OSBPL3: variants seen among roughly 807,000 people sequenced by gnomAD.
OSBPL3 encodes the protein oxysterol-binding protein-related protein 3.
Under a neutral mutation model 120.1 loss-of-function variants are expected in OSBPL3, and 65 were observed. The observed-to-expected ratio is 0.54, with a 90% CI of 0.44 to 0.67. The LOEUF is 0.67. Ranked by LOEUF, OSBPL3 falls within the 30% of genes least tolerant of loss-of-function variation. OSBPL3 has a pLI of 0.00. For missense variants in OSBPL3, 1,004 were observed against 1,082.1 expected (o/e 0.93, Z 1.01); for synonymous variants, 416 against 402.6 (o/e 1.03, Z -0.40).
At chr7:24,925,119 C>A (rs1584638113) in intron 1 of OSBPL3, among the ~76,000 whole-genome samples, 1 of 152,296 alleles carries the variant, frequency 6.6e-6, no homozygotes, top group African/African-American at 2.4e-5. Flanking sequence ...GTGTTTTAAA[C>A]ACCATGTATG....
At chr7:24,859,738 C>T (rs1348631547) in intron 10 of OSBPL3, among the ~76,000 whole-genome samples, 1 of 152,090 alleles carries the variant, frequency 6.6e-6, no homozygotes, top group Non-Finnish European at 1.5e-5. Flanking sequence ...ATACCTACTT[C>T]GCAGGCTGCA....
At chr7:24,832,296 G>A (rs1305732719) in intron 15 of OSBPL3, among the ~76,000 whole-genome samples, 1 of 150,894 alleles carries the variant, frequency 6.6e-6, no homozygotes, top group Non-Finnish European at 1.5e-5. Flanking sequence ...CAGATCACGA[G>A]GTCAGGAGTT....
At position 24,842,368 on chromosome 7, in the gene OSBPL3, T is replaced by C. The variant is rs1307457079; in HGVS notation, c.1312A>G (p.Asn438Asp). The C allele has an allele frequency of 1.9e-6, 3 of 1,612,276 alleles. No individual in the cohort carries two copies. Among genetic ancestry groups the C allele is most frequent in the East Asian group, 2.2e-5 (1 of 44,846 alleles). Residue 438 changes from asparagine (N) to aspartate (D), a missense_variant, in exon 13 of 23, where the codon AAT (asparagine) becomes GAT (aspartate). By Grantham distance (23) the Asn-to-Asp change is conservative. Coordinates refer to ENST00000313367, the MANE Select transcript of OSBPL3 (RefSeq NM_015550.4). ...TCAGTGATGGAGAGTCTACTTTCAT[T>C]AGAAAGCTGATGAACTAGAGCTCGG... ...ENRALVHQLS[N>D]ESRLSITDSL...
rs541717320 is a variant in OSBPL3 at position 24,816,998 on chromosome 7, A to G, written c.1949-310T>C. Among the ~76,000 whole-genome samples the G allele has an allele frequency of 7.2e-5, 11 of 152,310 alleles. No homozygotes were observed. In the East Asian group the frequency reaches 1.9e-3, roughly 27 times the overall value. On this transcript the variant is annotated intron_variant, in intron 17 of 22. Transcript: ENST00000313367. Reference sequence around the variant, plus strand: ...ATAAGGTAAAATGAAACCTGAGAAGAAGGAGTGACGAATATGCTTGGAGAA... The same window carrying G: ...ATAAGGTAAAATGAAACCTGAGAAGGAGGAGTGACGAATATGCTTGGAGAA...
chr7:24,834,784 T>C lies in OSBPL3; in HGVS notation c.1496-48A>G, dbSNP rs1796805352. On this transcript the variant is annotated intron_variant, in intron 14 of 22. Coordinates refer to ENST00000313367, the MANE Select transcript of OSBPL3 (RefSeq NM_015550.4). This position sits in a 1 kb window ranked among gnomAD's most constrained non-coding sequence, Gnocchi z 5.2. Reference sequence around the variant, plus strand: ...TGTCTCTATAAAGCTTTTCATTTTATTCTATTATTTTTAATCCACGAATAA... The same window carrying C: ...TGTCTCTATAAAGCTTTTCATTTTACTCTATTATTTTTAATCCACGAATAA... The C allele has an allele frequency of 6.8e-7, 1 of 1,471,510 alleles. No individual in the cohort carries two copies. Among genetic ancestry groups the C allele is most frequent in the Non-Finnish European group, 9.1e-7 (1 of 1,102,158 alleles). The allele number at this position is 1,471,510 out of a possible 1,614,324, so 91.2% of individuals were successfully genotyped here.
rs914602777 is a variant in OSBPL3, at chr7:24,899,698, T to C, written c.-149-7077A>G. On this transcript the variant is annotated intron_variant, in intron 1 of 22. Coordinates refer to ENST00000313367, the MANE Select transcript of OSBPL3 (RefSeq NM_015550.4). The surrounding 1 kb of genome is among the most constrained non-coding windows in gnomAD (Gnocchi z 4.0). ...CTGCAGCCTGACATTAATTTGTCTG[T>C]TAATTAGCATTTCTGCATACAAATG... Among the ~76,000 whole-genome samples the C allele has an allele frequency of 1.4e-4, 22 of 152,342 alleles. No homozygotes were observed. The highest frequency in any genetic ancestry group is 4.8e-4 in the African/African-American group (20 of 41,576).
chr7:24,823,597 A>T (rs1024569201), intron 16 of OSBPL3, among the ~76,000 whole-genome samples: 7 of 152,100 alleles, frequency 4.6e-5, no homozygotes, highest in African/African-American at 1.7e-4. Context: ...GTTCCTTCTC[A>T]TGGACATTTA....
At position 24,834,364 on chromosome 7, in the gene OSBPL3, T is replaced by A. The variant is rs931935382; in HGVS notation, c.1746+122A>T. 6.6e-7 allele frequency: 1 copy of A among 1,512,796 alleles called. No individual in the cohort carries two copies. The highest frequency in any genetic ancestry group is 8.8e-7 in the Non-Finnish European group (1 of 1,131,450). The allele number at this position is 1,512,796 out of a possible 1,614,324, so 93.7% of individuals were successfully genotyped here. On this transcript the variant is annotated intron_variant, in intron 15 of 22. Transcript: ENST00000313367. This position sits in a 1 kb window ranked among gnomAD's most constrained non-coding sequence, Gnocchi z 5.2. ...CAGACAGCTCTGAGTAATGAACCTG[T>A]TTACGGAACAATCAAAATGAAACCG...
At chr7:24,888,986 T>C (rs2128331318) in intron 2 of OSBPL3, among the ~76,000 whole-genome samples, 1 of 152,190 alleles carries the variant, frequency 6.6e-6, no homozygotes, top group East Asian at 1.9e-4. Flanking sequence ...CCCTTCCCTA[T>C]TGCCACTCTC....
At chr7:24,888,710 G>A (rs966806255) in intron 2 of OSBPL3, among the ~76,000 whole-genome samples, 6 of 152,126 alleles carry the variant, frequency 3.9e-5, no homozygotes, top group Non-Finnish European at 7.3e-5. Flanking sequence ...ATATAGGTAG[G>A]ACAGTATCTC....
intron 10 of OSBPL3, among the ~76,000 whole-genome samples, chr7:24,859,769 C>T (rs6961203): frequency 0.74 from 112,425 of 152,158 alleles, 42,792 homozygotes; most frequent in East Asian, 0.99. Flanking sequence ...AAATAATGCA[C>T]GTAAAGTAAT....
At position 24,834,224 on chromosome 7, in the gene OSBPL3, G is replaced by A; in HGVS notation, c.1746+262C>T. The A allele has an allele frequency of 8.4e-7, 1 of 1,194,172 alleles. No homozygotes were observed. Among genetic ancestry groups the A allele is most frequent in the Non-Finnish European group, 1.0e-6 (1 of 952,640 alleles). 74.0% of individuals were successfully genotyped at this position (1,194,172 alleles called of 1,614,324 possible). ...CAGCCAGAAGGCTTCTGGAGAAAGA[G>A]GAAGCACAAACCCACAGAACAGAAC... On this transcript the variant is annotated intron_variant, in intron 15 of 22. Transcript: ENST00000313367. The surrounding 1 kb of genome is among the most constrained non-coding windows in gnomAD (Gnocchi z 5.2).
Position 24,854,207 on chromosome 7 carries a change from A to G in OSBPL3, c.1028-1573T>C, listed in dbSNP as rs1799523410. 6.6e-6 allele frequency among the ~76,000 whole-genome samples: 1 copy of G among 152,106 alleles called. No homozygotes were observed. Among genetic ancestry groups the G allele is most frequent in the Non-Finnish European group, 1.5e-5 (1 of 68,030 alleles). On this transcript the variant is annotated intron_variant, in intron 10 of 22. Coordinates refer to ENST00000313367, the MANE Select transcript of OSBPL3 (RefSeq NM_015550.4). This position sits in a 1 kb window ranked among gnomAD's most constrained non-coding sequence, Gnocchi z 4.1. ...ATATTATCTTTCCAATCTCCTTTATAATATTTTGTTTTAGAAGAGCAGGAA... is the reference window on the plus strand; with the variant it reads ...ATATTATCTTTCCAATCTCCTTTATGATATTTTGTTTTAGAAGAGCAGGAA...
In OSBPL3 at chr7:24,834,343, C is replaced by A. The variant is rs538088134; in HGVS notation, c.1746+143G>T. Reference sequence around the variant, plus strand: ...AAACAGCCAGGCGGAGGAAGCCAGACAGCTCTGAGTAATGAACCTGTTTAC... The same window carrying A: ...AAACAGCCAGGCGGAGGAAGCCAGAAAGCTCTGAGTAATGAACCTGTTTAC... On this transcript the variant is annotated intron_variant, in intron 15 of 22. Transcript: ENST00000313367. This position sits in a 1 kb window ranked among gnomAD's most constrained non-coding sequence, Gnocchi z 5.2. The A allele has an allele frequency of 3.3e-5, 49 of 1,485,644 alleles. 1 individual carries two copies. The Middle Eastern group carries it at 7.3e-4, about 22-fold the overall frequency. The allele number at this position is 1,485,644 out of a possible 1,614,324, so 92.0% of individuals were successfully genotyped here. A position where few individuals can be genotyped will look rare whatever the true frequency, so the allele number is the denominator to read the frequency against.
chr7:24,821,071 T>C lies in OSBPL3; in HGVS notation c.1885-833A>G, dbSNP rs1210325709. Among the ~76,000 whole-genome samples the C allele has an allele frequency of 6.6e-6, 1 of 152,102 alleles. No homozygotes were observed. The highest frequency in any genetic ancestry group is 1.5e-5 in the Non-Finnish European group (1 of 68,014). On this transcript the variant is annotated intron_variant, in intron 16 of 22. Coordinates refer to ENST00000313367, the MANE Select transcript of OSBPL3 (RefSeq NM_015550.4). The surrounding 1 kb of genome is among the most constrained non-coding windows in gnomAD (Gnocchi z 5.5). ...GTCACACTCAGGGAACGTTGAGAGG[T>C]GTATATGCTGTCATTCTAATTCAGC...
chr7:24,846,976 C>T (rs1402193467), intron 12 of OSBPL3, among the ~76,000 whole-genome samples: 4 of 148,130 alleles, frequency 2.7e-5, no homozygotes, highest in African/African-American at 7.5e-5. Flanking sequence ...GGCAGAATGG[C>T]GTGAACCCGG....
In OSBPL3 at chr7:24,936,610, G is replaced by A. The variant is rs1013775757; in HGVS notation, c.-150+43276C>T. Among the ~76,000 whole-genome samples, 10 of 152,182 alleles carry A rather than the reference G, an allele frequency of 6.6e-5. No homozygotes were observed. Among genetic ancestry groups the A allele is most frequent in the Non-Finnish European group, 1.3e-4 (9 of 68,028 alleles). On this transcript the variant is annotated intron_variant, in intron 1 of 22. Coordinates refer to ENST00000313367, the MANE Select transcript of OSBPL3 (RefSeq NM_015550.4). The surrounding 1 kb of genome is among the most constrained non-coding windows in gnomAD (Gnocchi z 4.2). ...AACCTCCTATTTGGGCTTCTGCCAG[G>A]TGGCAAAGAGAAAATGAAAATAGGG...
chr7:24,979,611 G>A (rs1008954755), intron 1 of OSBPL3, among the ~76,000 whole-genome samples: 1 of 152,190 alleles, frequency 6.6e-6, no homozygotes, highest in Non-Finnish European at 1.5e-5. Context: ...CCCTGCGCTC[G>A]GCTCCTCCTG....
intron 1 of OSBPL3, among the ~76,000 whole-genome samples, chr7:24,909,458 G>T (rs1167354905): frequency 2.0e-5 from 3 of 152,184 alleles, no homozygotes; most frequent in African/African-American, 7.2e-5. Context: ...AAGACACACT[G>T]GTTGAAGACC....
Sources: allele counts gnomAD v4.1 joint callset (sites outside exome capture counted in the v4.1 genomes callset), GRCh38; gene constraint gnomAD v4.1.1; non-coding constraint Gnocchi (gnomAD v3.1); transcripts MANE v1.5; gene names NCBI Gene and HGNC (gene_info 2026-07-23, HGNC 2026-07-21).